The following VPS54 variants were observed in gnomAD, a reference collection of about 807,000 sequenced individuals.
The protein encoded by VPS54 is vacuolar protein sorting-associated protein 54.
Under a neutral mutation model 121.5 loss-of-function variants are expected in VPS54, and 45 were observed. That is an observed-to-expected ratio of 0.37 (90% CI 0.29 to 0.47). The LOEUF is 0.47. Ranked by LOEUF, VPS54 falls within the 20% of genes least tolerant of loss-of-function variation. The pLI is 0.99. For missense variants in VPS54, 1,090 were observed against 1,131.4 expected (o/e 0.96, Z 0.52); for synonymous variants, 371 against 385.8 (o/e 0.96, Z 0.45).
chr2:63,971,295 A>G (rs1676275400), intron 4 of VPS54, among the ~76,000 whole-genome samples: 2 of 152,222 alleles, frequency 1.3e-5, no homozygotes, highest in Admixed American at 6.5e-5. Context: ...TCATCATCCC[A>G]TAATTCACTA....
In VPS54 at chr2:63,933,696, A is replaced by T. The variant is rs138983815; in HGVS notation, c.1716T>A (p.Ala572=). The T allele has an allele frequency of 4.3e-6, 7 of 1,613,024 alleles. No homozygotes were observed. In the African/African-American group the frequency reaches 9.3e-5, roughly 22 times the overall value. The change falls in exon 12 of 23, where the codon GCT becomes GCA. Residue 572 remains alanine (A), a synonymous_variant. Coordinates refer to ENST00000272322, the MANE Select transcript of VPS54 (RefSeq NM_016516.3). ...SSSKEHTSSS[A]IPGGVDIMVS... is the part of the protein sequence containing the mutation. ...ACATAATATCCACACCTCCTGGAAT[A>T]GCAGATGATGATGTGTGCTCTTTGC...
At chr2:63,919,570 C>CT (rs1455388950) in intron 15 of VPS54, among the ~76,000 whole-genome samples, 5 of 152,030 alleles carry the variant, frequency 3.3e-5, no homozygotes, top group Admixed American at 3.3e-4. Context: ...TTCCTTAACC[C>CT]TTCTAAGCCT....
intron 20 of VPS54, among the ~76,000 whole-genome samples, chr2:63,907,518 C>CAAAAAA (rs113824223): frequency 1.1e-5 from 1 of 89,502 alleles, no homozygotes; most frequent in Non-Finnish European, 2.2e-5. Context: ...AACTCCATCT[C>CAAAAAA]AAAAAAAAAA....
At chr2:63,921,496 C>G (rs777039914) in intron 12 of VPS54, among the ~76,000 whole-genome samples, 161 bp from the exon 13 acceptor site, 3 of 152,144 alleles carry the variant, frequency 2.0e-5, no homozygotes, top group Non-Finnish European at 4.4e-5. Flanking sequence ...TGAAACATTA[C>G]TTAAACATGC....
intron 1 of VPS54, among the ~76,000 whole-genome samples, chr2:64,002,286 G>T (rs59736629): frequency 0.072 from 11,017 of 152,210 alleles, 835 homozygotes; most frequent in African/African-American, 0.19. Context: ...TGGGCAATAT[G>T]AAGTTAAAAT....
At chr2:63,956,613 C>T (rs375290960) in intron 7 of VPS54, among the ~76,000 whole-genome samples, 28 of 152,250 alleles carry the variant, frequency 1.8e-4, no homozygotes, top group South Asian at 1.7e-3. Context: ...CCCAGTGAGA[C>T]CCAAGTTGAA....
intron 7 of VPS54, among the ~76,000 whole-genome samples, chr2:63,956,195 G>A (rs1675483319): frequency 6.6e-6 from 1 of 152,106 alleles, no homozygotes; most frequent in South Asian, 2.1e-4. Flanking sequence ...AACATACAAT[G>A]TGGATGTTTT....
intron 1 of VPS54, among the ~76,000 whole-genome samples, chr2:63,989,378 C>T (rs1022572494): frequency 6.6e-6 from 1 of 152,128 alleles, no homozygotes; most frequent in African/African-American, 2.4e-5. Context: ...GCTGGATTTT[C>T]GGCTCAGGGG....
intron 1 of VPS54, among the ~76,000 whole-genome samples, chr2:64,005,103 T>C (rs1373049902): frequency 4.9e-5 from 5 of 102,386 alleles, no homozygotes; most frequent in African/African-American, 1.6e-4. Flanking sequence ...TTTTTTTTTT[T>C]TTTTTTTTTT....
intron 20 of VPS54, among the ~76,000 whole-genome samples, chr2:63,910,377 C>T (rs1215028395): frequency 2.0e-5 from 3 of 152,022 alleles, no homozygotes; most frequent in Non-Finnish European, 2.9e-5. Context: ...TGAGGAGGGG[C>T]GTGTTCTAGT....
intron 1 of VPS54, among the ~76,000 whole-genome samples, chr2:64,006,236 T>C (rs1236148099): frequency 2.0e-5 from 3 of 152,366 alleles, no homozygotes; most frequent in East Asian, 1.9e-4. Context: ...ACAGAAAGTG[T>C]GTAAGACACA....
intron 21 of VPS54, among the ~76,000 whole-genome samples, chr2:63,898,703 C>T (rs905607868): frequency 6.6e-6 from 1 of 151,704 alleles, no homozygotes; most frequent in Non-Finnish European, 1.5e-5. Flanking sequence ...ATTCATTAGT[C>T]ATACAGCAAC....
chr2:63,995,154 C>T (rs1392284364), intron 1 of VPS54, among the ~76,000 whole-genome samples: 1 of 152,242 alleles, frequency 6.6e-6, no homozygotes, highest in East Asian at 1.9e-4. Context: ...GTCCCTGCTA[C>T]CGTCCCCCTC....
At chr2:63,959,285 A>G (rs573668270) in intron 7 of VPS54, among the ~76,000 whole-genome samples, 8 of 152,236 alleles carry the variant, frequency 5.3e-5, no homozygotes, top group African/African-American at 1.4e-4. Flanking sequence ...TGGGGTTATA[A>G]TAACAAGTCT....
At chr2:63,893,717 C>G (rs1672323607) in intron 22 of VPS54, among the ~76,000 whole-genome samples, 182 bp from the exon 23 acceptor site, 1 of 152,262 alleles carries the variant, frequency 6.6e-6, no homozygotes, top group East Asian at 1.9e-4. Context: ...TAATGCTGTA[C>G]TTCAATAATA....
In VPS54 at chr2:63,917,080, A is replaced by G. The variant is rs899785242; in HGVS notation, c.2165-117T>C. ...AAAACTCTCATTTCTGAAAATAAAC[A>G]TCTACTTCCTGGGAAACTATTTGGC... On this transcript the variant is annotated intron_variant, in intron 15 of 22. Coordinates refer to ENST00000272322, the MANE Select transcript of VPS54 (RefSeq NM_016516.3). 10 of 972,148 alleles carry G rather than the reference A, an allele frequency of 1.0e-5. No homozygotes were observed. The African/African-American group carries it at 1.6e-4, about 16-fold the overall frequency. 60.2% of individuals were successfully genotyped at this position (972,148 alleles called of 1,614,324 possible).
At chr2:64,005,254 C>T (rs1227644909) in intron 1 of VPS54, among the ~76,000 whole-genome samples, 2 of 151,000 alleles carry the variant, frequency 1.3e-5, no homozygotes, top group Non-Finnish European at 3.0e-5. Context: ...CAGGTGCCCG[C>T]CACCGCGCCC....
chr2:63,920,719 TTTTTTA>T, intron 13 of VPS54, 92 bp from the exon 14 acceptor site: 2 of 702,260 alleles, frequency 2.8e-6, no homozygotes, highest in Non-Finnish European at 3.9e-6. Context: ...AATCTATATA[TTTTTTA>T]TTTTAATAAT....
intron 1 of VPS54, among the ~76,000 whole-genome samples, chr2:63,999,795 TTC>T (rs1260968972): frequency 2.0e-5 from 3 of 152,110 alleles, no homozygotes; most frequent in African/African-American, 7.2e-5. Context: ...TTCTTTTGTC[TTC>T]TCTGATTGTG....
Sources: allele counts gnomAD v4.1 joint callset (sites outside exome capture counted in the v4.1 genomes callset), GRCh38; gene constraint gnomAD v4.1.1; transcripts MANE v1.5; gene names NCBI Gene and HGNC (gene_info 2026-07-23, HGNC 2026-07-21).